The following TANC2 variants were observed in gnomAD, a reference collection of about 807,000 sequenced individuals.
The protein encoded by TANC2 is tetratricopeptide repeat, ankyrin repeat and coiled-coil containing 2.
TANC2 carries 26 observed loss-of-function variants against 210.5 expected under a neutral mutation model. The ratio of observed to expected loss-of-function variants is 0.12; its 90% CI spans 0.09 to 0.17. TANC2 has a LOEUF of 0.17. Among genes scored for constraint, TANC2 ranks in the 10% least tolerant of loss-of-function variants. TANC2 has a pLI of 1.00. For missense variants in TANC2, 2,129 were observed against 2,608.9 expected, an observed-to-expected ratio of 0.82 and a Z score of 4.01; for synonymous variants, 931 against 967.1, an observed-to-expected ratio of 0.96 and a Z score of 0.69.
At chr17:63,367,508 A>C (rs2047145189) in intron 14 of TANC2, among the ~76,000 whole-genome samples, 1 of 152,204 alleles carries the variant, frequency 6.6e-6, no homozygotes, top group Non-Finnish European at 1.5e-5. Flanking sequence ...AAAAGATTGG[A>C]TACCCCTGCT....
In TANC2 at chr17:63,346,397, G is replaced by A. The variant is rs116930046; in HGVS notation, c.1808-4853G>A. Among the ~76,000 whole-genome samples, 79 of 152,274 alleles carry A rather than the reference G, an allele frequency of 5.2e-4. No individual in the cohort carries two copies. In the East Asian group the frequency reaches 0.014, roughly 27 times the overall value. On this transcript the variant is annotated intron_variant, in intron 12 of 27. Transcript: ENST00000689528. ...TGAGAGACAAAGCACTTGTATCTAC[G>A]ATACATGTAGAATGCAAACAGTTCA...
At chr17:63,377,047 G>T (rs767012613) in intron 14 of TANC2, among the ~76,000 whole-genome samples, 1 of 152,140 alleles carries the variant, frequency 6.6e-6, no homozygotes, top group African/African-American at 2.4e-5. Flanking sequence ...GACCTGAGCT[G>T]TATATTGGTC....
chr17:63,234,186 C>T lies in TANC2; in HGVS notation c.770-3628C>T, dbSNP rs180754985. ...CTGATTGATCTCTTGCACCTATTCC[C>T]CTACCACAAATATAAAGCCTTTTCC... On this transcript the variant is annotated intron_variant, in intron 7 of 27. Transcript: ENST00000689528. 1.7e-3 allele frequency among the ~76,000 whole-genome samples: 260 copies of T among 152,240 alleles called. 2 individuals are homozygous for T. The highest frequency in any genetic ancestry group is 5.9e-3 in the African/African-American group (247 of 41,528).
chr17:63,022,774 T>C (rs187753920), intron 2 of TANC2, among the ~76,000 whole-genome samples: 6 of 152,232 alleles, frequency 3.9e-5, no homozygotes, highest in Admixed American at 3.9e-4. Flanking sequence ...GTCTACTCCT[T>C]GCATGCCAGT....
At chr17:63,203,908 A>G (rs2041615330) in intron 7 of TANC2, among the ~76,000 whole-genome samples, 1 of 152,228 alleles carries the variant, frequency 6.6e-6, no homozygotes, top group South Asian at 2.1e-4. Context: ...ACAAATGACG[A>G]AAGTTGAGAA....
chr17:63,246,449 A>G (rs2042922652), intron 8 of TANC2, among the ~76,000 whole-genome samples: 1 of 152,184 alleles, frequency 6.6e-6, no homozygotes, highest in South Asian at 2.1e-4. Flanking sequence ...TACCTCAGAA[A>G]GATTTCTGCA....
At chr17:63,134,928 A>C (rs1476107600) in intron 4 of TANC2, among the ~76,000 whole-genome samples, 1 of 152,204 alleles carries the variant, frequency 6.6e-6, no homozygotes, top group East Asian at 1.9e-4. Context: ...CAATTTTGAC[A>C]ACACAAGAAC....
intron 7 of TANC2, among the ~76,000 whole-genome samples, chr17:63,217,331 C>A (rs2042050862): frequency 6.6e-6 from 1 of 152,128 alleles, no homozygotes; most frequent in East Asian, 1.9e-4. Flanking sequence ...AAAGAAGATA[C>A]AAATTACCGC....
At chr17:63,037,819 T>G (rs1479541500) in intron 2 of TANC2, among the ~76,000 whole-genome samples, 1 of 152,052 alleles carries the variant, frequency 6.6e-6, no homozygotes, top group East Asian at 1.9e-4. Flanking sequence ...TCTCAAAAAA[T>G]AAAATAAAAC....
At position 63,313,831 on chromosome 17, in the gene TANC2, G is replaced by A. The variant is rs1478233540; in HGVS notation, c.1160-557G>A. On this transcript the variant is annotated intron_variant, in intron 9 of 27. Transcript: ENST00000689528. ...AGAAACAAACAAGCCTCTCTATACT[G>A]CTTTCTTCAGGACTGATTTTCAACT... Among the ~76,000 whole-genome samples, 6 of 152,088 alleles carry A rather than the reference G, an allele frequency of 3.9e-5. No individual in the cohort carries two copies. In the East Asian group the frequency reaches 9.6e-4, roughly 24 times the overall value.
chr17:63,334,971 G>A (rs2045977183), intron 11 of TANC2, among the ~76,000 whole-genome samples: 2 of 152,130 alleles, frequency 1.3e-5, no homozygotes, highest in Admixed American at 1.3e-4. Context: ...TTGGGGAGGT[G>A]CTACACACTT....
intron 4 of TANC2, among the ~76,000 whole-genome samples, chr17:63,144,932 A>G (rs1240922499): frequency 6.6e-6 from 1 of 151,548 alleles, no homozygotes; most frequent in Non-Finnish European, 1.5e-5. Context: ...ATTAACAGGG[A>G]ATATGAATTA....
chr17:63,190,255 G>T lies in TANC2; in HGVS notation c.434-3736G>T, dbSNP rs545575896. Among the ~76,000 whole-genome samples the T allele has an allele frequency of 1.3e-4, 20 of 152,224 alleles. No homozygotes were observed. In the South Asian group the frequency reaches 4.1e-3, roughly 32 times the overall value. ...CTCAGGAGGCTGAGGCAAGAGGATT[G>T]CTTGAGCCCAGGAGGTCGAGGCTGC... is the stretch of plus-strand genomic sequence containing the variant. On this transcript the variant is annotated intron_variant, in intron 5 of 27. Transcript: ENST00000689528.
chr17:63,225,550 A>G (rs960968825), intron 7 of TANC2, among the ~76,000 whole-genome samples: 4 of 152,142 alleles, frequency 2.6e-5, no homozygotes, highest in Non-Finnish European at 2.9e-5. Flanking sequence ...CAAATTCTAC[A>G]TATTCCTGAG....
chr17:63,356,073 TA>T (rs937664627), intron 14 of TANC2, among the ~76,000 whole-genome samples: 2 of 152,078 alleles, frequency 1.3e-5, no homozygotes, highest in African/African-American at 4.8e-5. Context: ...AAGTGCATGA[TA>T]TATCCCACCA....
At chr17:63,347,670 G>A (rs981969277) in intron 12 of TANC2, among the ~76,000 whole-genome samples, 1 of 152,030 alleles carries the variant, frequency 6.6e-6, no homozygotes, top group African/African-American at 2.4e-5. Flanking sequence ...ATACATACAC[G>A]CACACCCACA....
chr17:63,163,991 A>G (rs1017996803), intron 5 of TANC2, among the ~76,000 whole-genome samples: 1 of 152,226 alleles, frequency 6.6e-6, no homozygotes, highest in Admixed American at 6.5e-5. Flanking sequence ...AATTTTTTAA[A>G]TAGTAGTAGT....
intron 4 of TANC2, among the ~76,000 whole-genome samples, chr17:63,144,940 T>G (rs1227446123): frequency 6.6e-6 from 1 of 152,050 alleles, no homozygotes; most frequent in Non-Finnish European, 1.5e-5. Context: ...GGAATATGAA[T>G]TATCATTTTT....
At chr17:63,378,178 A>T (rs2047485915) in intron 14 of TANC2, among the ~76,000 whole-genome samples, 1 of 152,206 alleles carries the variant, frequency 6.6e-6, no homozygotes. Context: ...CTCAAAGGTG[A>T]TCTAGTGTCC....
Sources: gnomAD v4.1 joint callset for allele counts (sites outside exome capture counted in the v4.1 genomes callset) on GRCh38, gnomAD v4.1.1 for gene constraint, MANE v1.5 for transcripts, NCBI Gene and HGNC (gene_info 2026-07-23, HGNC 2026-07-21) for gene names.